Variants in NEDD4L observed in about 807,000 individuals in gnomAD.
NEDD4L encodes NEDD4 like E3 ubiquitin protein ligase.
NEDD4L carries 54 observed loss-of-function variants against 148.9 expected under a neutral mutation model. The ratio of observed to expected loss-of-function variants is 0.36; its 90% CI spans 0.29 to 0.45. NEDD4L has a LOEUF of 0.45. NEDD4L is among the 20% of genes least tolerant of loss of function. The probability of loss-of-function intolerance (pLI) is 1.00; values close to 1 mark genes in which losing one functional copy is unlikely to be tolerated. For synonymous variants in NEDD4L, 433 were observed against 440.7 expected (o/e 0.98, Z 0.22); for missense variants, 856 against 1,233.8 (o/e 0.69, Z 4.59).
At chr18:58,229,868 T>TAGTC (rs2044887617) in intron 2 of NEDD4L, among the ~76,000 whole-genome samples, 1 of 152,092 alleles carries the variant, frequency 6.6e-6, no homozygotes, top group African/African-American at 2.4e-5. Flanking sequence ...CGGGCACCTG[T>TAGTC]AGTCCCAGCT....
intron 1 of NEDD4L, among the ~76,000 whole-genome samples, chr18:58,089,616 A>G (rs2083953260): frequency 6.6e-6 from 1 of 151,464 alleles, no homozygotes; most frequent in African/African-American, 2.5e-5. Flanking sequence ...TGCATCTCAG[A>G]AAAGTGAAAG....
In NEDD4L at chr18:58,330,786, G is replaced by A. The variant is rs769574778; in HGVS notation, c.862G>A (p.Gly288Ser). ...EEVNIAGDSL[G>S]LALPPPPASP... ...AGTGAATATCGCTGGAGACTCTCTC[G>A]GTCTGGCTCTGCCCCCACCACCGGC... Residue 288 changes from glycine (G) to serine (S), a missense_variant, in exon 11 of 31, where the codon GGT becomes AGT. Transcript: ENST00000400345. The A allele has an allele frequency of 6.8e-6, 11 of 1,612,736 alleles. No homozygotes were observed. Among genetic ancestry groups the A allele is most frequent in the Non-Finnish European group, 8.5e-6 (10 of 1,179,270 alleles).
chr18:58,234,586 C>A (rs964511758), intron 2 of NEDD4L, among the ~76,000 whole-genome samples: 2 of 152,038 alleles, frequency 1.3e-5, no homozygotes, highest in African/African-American at 4.8e-5. Flanking sequence ...CCTCCTATCT[C>A]AGCCTCCCAA....
chr18:58,383,156 T>C, intron 24 of NEDD4L, 90 bp from the exon 25 acceptor site: 1 of 729,572 alleles, frequency 1.4e-6, no homozygotes. Flanking sequence ...ATACATGTTG[T>C]CTTCCCTTTA....
intron 1 of NEDD4L, among the ~76,000 whole-genome samples, chr18:58,062,075 A>G (rs1279424063): frequency 1.3e-5 from 2 of 152,182 alleles, no homozygotes; most frequent in Non-Finnish European, 2.9e-5. Flanking sequence ...TTTCAAAGTT[A>G]TATGTGTATT....
intron 5 of NEDD4L, among the ~76,000 whole-genome samples, chr18:58,266,656 G>C (rs1044026667): frequency 2.0e-5 from 3 of 152,158 alleles, no homozygotes; most frequent in Non-Finnish European, 4.4e-5. Context: ...TCATTATGCT[G>C]TTGTGTTGTG....
At chr18:58,185,179 A>G (rs536503918) in intron 2 of NEDD4L, among the ~76,000 whole-genome samples, 22 of 152,294 alleles carry the variant, frequency 1.4e-4, no homozygotes, top group Admixed American at 6.5e-4. Flanking sequence ...CAGGAATGAC[A>G]GGGAGGTCTT....
chr18:58,105,299 C>T (rs939867501), intron 1 of NEDD4L, among the ~76,000 whole-genome samples: 6 of 152,110 alleles, frequency 3.9e-5, no homozygotes, highest in African/African-American at 1.2e-4. Context: ...CGGATGCTTT[C>T]GAGGATTCAA....
intron 9 of NEDD4L, among the ~76,000 whole-genome samples, chr18:58,325,892 C>T (rs548494092): frequency 1.3e-5 from 2 of 152,044 alleles, no homozygotes; most frequent in East Asian, 3.9e-4. Context: ...GATAATACAT[C>T]GAAGGGCAAA....
intron 1 of NEDD4L, among the ~76,000 whole-genome samples, chr18:58,067,918 G>A (rs576591632): frequency 6.6e-6 from 1 of 152,298 alleles, no homozygotes; most frequent in East Asian, 1.9e-4. Flanking sequence ...GGGACTTCCA[G>A]AAGGTAAAAT....
chr18:58,132,571 C>A (rs2032304954), intron 1 of NEDD4L, among the ~76,000 whole-genome samples: 1 of 152,120 alleles, frequency 6.6e-6, no homozygotes, highest in Non-Finnish European at 1.5e-5. Flanking sequence ...CTGTCACATA[C>A]CCCAGTTTCC....
intron 18 of NEDD4L, among the ~76,000 whole-genome samples, chr18:58,353,856 A>G (rs2044243044): frequency 6.6e-6 from 1 of 152,232 alleles, no homozygotes. Flanking sequence ...GAGTGCCGTC[A>G]TCTTGTAAAT....
At chr18:58,143,596 G>A (rs986278003) in intron 1 of NEDD4L, among the ~76,000 whole-genome samples, 5 of 152,176 alleles carry the variant, frequency 3.3e-5, no homozygotes, top group African/African-American at 7.2e-5. Context: ...GAGGGAGAGC[G>A]CAGCAGGATG....
chr18:58,184,704 G>A (rs906095155), intron 2 of NEDD4L, among the ~76,000 whole-genome samples: 6 of 152,078 alleles, frequency 3.9e-5, no homozygotes, highest in African/African-American at 7.2e-5. Context: ...TGAGGTAGGC[G>A]GATCACGTGG....
At chr18:58,116,434 A>G (rs1239617977) in intron 1 of NEDD4L, among the ~76,000 whole-genome samples, 1 of 152,206 alleles carries the variant, frequency 6.6e-6, no homozygotes, top group Non-Finnish European at 1.5e-5. Context: ...AGCCCTCTGC[A>G]GATCTGCTGC....
chr18:58,144,720 C>T (rs1328079481), intron 1 of NEDD4L, among the ~76,000 whole-genome samples: 1 of 152,162 alleles, frequency 6.6e-6, no homozygotes, highest in East Asian at 1.9e-4. Flanking sequence ...TACCCACAGT[C>T]TCCCTCGCGT....
intron 1 of NEDD4L, among the ~76,000 whole-genome samples, chr18:58,077,092 C>T (rs957539111): frequency 6.7e-6 from 1 of 148,232 alleles, no homozygotes; most frequent in Non-Finnish European, 1.5e-5. Context: ...CTCAGGTAAT[C>T]TGCCCGCCTC....
chr18:58,234,573 G>A (rs2045783856), intron 2 of NEDD4L, among the ~76,000 whole-genome samples: 1 of 151,992 alleles, frequency 6.6e-6, no homozygotes, highest in South Asian at 2.1e-4. Flanking sequence ...GAGCTCAAGG[G>A]ATCCTCCTAT....
intron 5 of NEDD4L, among the ~76,000 whole-genome samples, chr18:58,285,265 A>T (rs2053719603): frequency 1.3e-5 from 2 of 152,108 alleles, no homozygotes; most frequent in Admixed American, 1.3e-4. Flanking sequence ...TGGCCCCTAT[A>T]AAAGGACCCA....
Sources: allele counts gnomAD v4.1 joint callset (sites outside exome capture counted in the v4.1 genomes callset), GRCh38; gene constraint gnomAD v4.1.1; transcripts MANE v1.5; gene names NCBI Gene and HGNC (gene_info 2026-07-23, HGNC 2026-07-21).